The following ICA1 variants were observed in gnomAD, a reference collection of about 807,000 sequenced individuals.
ICA1 encodes the protein 69 kDa islet cell autoantigen.
ICA1 carries 40 observed loss-of-function variants against 71.0 expected under a neutral mutation model. The ratio of observed to expected loss-of-function variants is 0.56; its 90% CI spans 0.44 to 0.73. The LOEUF is 0.73. Among genes scored for constraint, ICA1 ranks in the 30% least tolerant of loss-of-function variants. The pLI, the probability that ICA1 is intolerant of heterozygous loss-of-function variation, is 0.00. For synonymous variants in ICA1, 207 were observed against 209.5 expected (o/e 0.99, Z 0.10); for missense variants, 578 against 576.5 (o/e 1.00, Z -0.03).
intron 1 of ICA1, among the ~76,000 whole-genome samples, chr7:8,239,571 G>A (rs1292701685): frequency 6.6e-6 from 1 of 152,150 alleles, no homozygotes; most frequent in African/African-American, 2.4e-5. Context: ...ACCCACAGAG[G>A]GTGAGCCGAA....
intron 12 of ICA1, among the ~76,000 whole-genome samples, chr7:8,138,230 G>A (rs749323949): frequency 2.0e-5 from 3 of 152,128 alleles, no homozygotes; most frequent in Non-Finnish European, 2.9e-5. Context: ...TTTAGGTTTG[G>A]TAAATTCAGG....
At chr7:8,175,752 CAG>C (rs1370845234) in intron 6 of ICA1, among the ~76,000 whole-genome samples, 1 of 152,134 alleles carries the variant, frequency 6.6e-6, no homozygotes, top group African/African-American at 2.4e-5. Flanking sequence ...CCTAGAAAAA[CAG>C]AGCACACCAA....
At position 8,226,204 on chromosome 7, in the gene ICA1, C is replaced by G. The variant is rs1179353818; in HGVS notation, c.256+2397G>C. On this transcript the variant is annotated intron_variant, in intron 4 of 13. Transcript: ENST00000402384. This position sits in a 1 kb window ranked among gnomAD's most constrained non-coding sequence, Gnocchi z 4.4. Reference sequence around the variant, plus strand: ...ATGGGAAGGTATCTCATAGCTCCCTCTTCACCTTTGCTCCTCCATTCTCAT... The same window carrying G: ...ATGGGAAGGTATCTCATAGCTCCCTGTTCACCTTTGCTCCTCCATTCTCAT... Among the ~76,000 whole-genome samples, 1 of 152,152 alleles carries G rather than the reference C, an allele frequency of 6.6e-6. No individual in the cohort carries two copies. Among genetic ancestry groups the G allele is most frequent in the East Asian group, 1.9e-4 (1 of 5,192 alleles).
chr7:8,232,103 A>G (rs1049570349), intron 3 of ICA1, among the ~76,000 whole-genome samples: 1 of 152,210 alleles, frequency 6.6e-6, no homozygotes, highest in African/African-American at 2.4e-5. Flanking sequence ...TGCTAGATCA[A>G]CCATATCTAA....
chr7:8,192,255 A>T (rs867054037), intron 6 of ICA1, among the ~76,000 whole-genome samples: 19 of 152,288 alleles, frequency 1.2e-4, no homozygotes, highest in African/African-American at 4.3e-4. Flanking sequence ...TTCAGTTGTC[A>T]TGTTTTTTCA....
At chr7:8,216,470 A>C (rs1795425176) in intron 6 of ICA1, among the ~76,000 whole-genome samples, 3 of 152,168 alleles carry the variant, frequency 2.0e-5, no homozygotes, top group African/African-American at 7.2e-5. Flanking sequence ...TTCCAAAATC[A>C]ACAGACTGAT....
At chr7:8,251,233 G>A (rs570147308) in intron 1 of ICA1, among the ~76,000 whole-genome samples, 1 of 151,882 alleles carries the variant, frequency 6.6e-6, no homozygotes, top group East Asian at 1.9e-4. Context: ...AAAGAACTCA[G>A]GTGTTATATA....
intron 6 of ICA1, among the ~76,000 whole-genome samples, chr7:8,195,637 G>C (rs546026816): frequency 1.4e-3 from 212 of 152,204 alleles, no homozygotes; most frequent in Non-Finnish European, 2.5e-3. Context: ...TAAAACTAAA[G>C]TTCTTACCAT....
At chr7:8,258,807 G>T (rs1811191652) in intron 1 of ICA1, among the ~76,000 whole-genome samples, 1 of 152,240 alleles carries the variant, frequency 6.6e-6, no homozygotes, top group East Asian at 1.9e-4. Context: ...AATAGTGAAA[G>T]TGTGGTCAGC....
At chr7:8,176,014 C>A (rs779439782) in intron 6 of ICA1, among the ~76,000 whole-genome samples, 2 of 152,204 alleles carry the variant, frequency 1.3e-5, no homozygotes, top group African/African-American at 4.8e-5. Flanking sequence ...TGTTTTACAA[C>A]TGTTTCATTC....
At chr7:8,182,376 A>T (rs1782473783) in intron 6 of ICA1, among the ~76,000 whole-genome samples, 1 of 152,214 alleles carries the variant, frequency 6.6e-6, no homozygotes, top group Non-Finnish European at 1.5e-5. Flanking sequence ...CCTGGTTCAC[A>T]ATTTTATTCT....
chr7:8,229,446 C>T (rs1002191048), intron 3 of ICA1, among the ~76,000 whole-genome samples: 3 of 152,200 alleles, frequency 2.0e-5, no homozygotes, highest in African/African-American at 7.2e-5. Context: ...ACACTTTCTC[C>T]ACCCTTTGCC....
chr7:8,143,428 T>C (rs564870865), intron 9 of ICA1, among the ~76,000 whole-genome samples: 1 of 152,324 alleles, frequency 6.6e-6, no homozygotes, highest in East Asian at 1.9e-4. Flanking sequence ...TGATGATGCC[T>C]TAGTATGCAT....
chr7:8,171,156 T>C (rs757834726), intron 6 of ICA1, among the ~76,000 whole-genome samples: 1 of 151,980 alleles, frequency 6.6e-6, no homozygotes, highest in Non-Finnish European at 1.5e-5. Context: ...TCTGCCCTCA[T>C]AAAATGAACT....
intron 2 of ICA1, 87 bp downstream of exon 2, chr7:8,235,823 C>G: frequency 7.3e-7 from 1 of 1,377,364 alleles, no homozygotes; most frequent in South Asian, 1.2e-5. Flanking sequence ...CAATGTATCT[C>G]TTGTTTTTCC....
intron 2 of ICA1, among the ~76,000 whole-genome samples, chr7:8,235,304 G>A (rs1801504254): frequency 6.6e-6 from 1 of 152,120 alleles, no homozygotes; most frequent in Admixed American, 6.6e-5. Context: ...AAAGAATTTG[G>A]AAACACTGCT....
chr7:8,224,168 G>A (rs79597039), intron 4 of ICA1, among the ~76,000 whole-genome samples: 1,812 of 152,232 alleles, frequency 0.012, 14 homozygotes, highest in South Asian at 0.021. Flanking sequence ...AAGAGTGAGC[G>A]GTCAGTAGGT....
chr7:8,213,551 G>A (rs940367605), intron 6 of ICA1, among the ~76,000 whole-genome samples: 1 of 152,196 alleles, frequency 6.6e-6, no homozygotes, highest in South Asian at 2.1e-4. Context: ...TGACACTCTT[G>A]CATTACTTAG....
intron 13 of ICA1, among the ~76,000 whole-genome samples, chr7:8,125,807 G>T (rs953225540): frequency 2.0e-5 from 3 of 152,162 alleles, no homozygotes; most frequent in Non-Finnish European, 4.4e-5. Flanking sequence ...AGATGTTGTT[G>T]GCCTGAGTAA....
Sources: allele counts gnomAD v4.1 joint callset (sites outside exome capture counted in the v4.1 genomes callset), GRCh38; gene constraint gnomAD v4.1.1; non-coding constraint Gnocchi (gnomAD v3.1); transcripts MANE v1.5; gene names NCBI Gene and HGNC (gene_info 2026-07-23, HGNC 2026-07-21).